AGR3: variants seen among roughly 807,000 people sequenced by gnomAD.
AGR3 encodes anterior gradient 3, protein disulphide isomerase family member.
In AGR3, 37 loss-of-function variants were observed where a neutral mutation model predicts 24.5. That is an observed-to-expected ratio of 1.51 (90% CI 1.16 to 1.99). AGR3 has a LOEUF of 1.99. Among genes scored for constraint, AGR3 ranks in the 30% most tolerant of loss-of-function variants. The probability of loss-of-function intolerance (pLI) is 0.00; values close to 1 mark genes in which losing one functional copy is unlikely to be tolerated. For synonymous variants in AGR3, 75 were observed against 61.6 expected (o/e 1.22, Z -1.02); for missense variants, 228 against 191.1 (o/e 1.19, Z -1.14).
At position 16,869,680 on chromosome 7, in the gene AGR3, T is replaced by G. The variant is rs201202406; in HGVS notation, c.173+4100A>C. On this transcript the variant is annotated intron_variant, in intron 3 of 7. Coordinates refer to ENST00000310398, the MANE Select transcript of AGR3 (RefSeq NM_176813.5). ...GTTGGGGCTTGTGAGTTTGTTTTTT[T>G]TTTTTTTTTTTTTTGCAGGGGGCAG... 3.2e-3 allele frequency among the ~76,000 whole-genome samples: 489 copies of G among 150,494 alleles called. 13 individuals carry two copies. The East Asian group carries it at 0.077, about 24-fold the overall frequency.
downstream of AGR3, among the ~76,000 whole-genome samples, chr7:16,856,814 TACACACACACACACCTATATGTATAC>T (rs1440795046): frequency 2.7e-5 from 4 of 148,182 alleles, no homozygotes; most frequent in Middle Eastern, 3.4e-3. Flanking sequence ...CACACACACA[TACACACACACACACCTATATGTATAC>T]ACACACACAC....
At chr7:16,861,926 C>T (rs951740771) in intron 5 of AGR3, 58 bp downstream of exon 5, 76 of 1,246,474 alleles carry the variant, frequency 6.1e-5, no homozygotes, top group South Asian at 2.0e-4. Flanking sequence ...AAGAAAAAAA[C>T]GGATTCAAAA....
intron 2 of AGR3, among the ~76,000 whole-genome samples, chr7:16,876,866 T>G (rs1781995051): frequency 6.6e-6 from 1 of 152,230 alleles, no homozygotes; most frequent in Non-Finnish European, 1.5e-5. Flanking sequence ...TGCCTTGACG[T>G]ATAGTTATCA....
intron 3 of AGR3, among the ~76,000 whole-genome samples, chr7:16,872,559 TG>T (rs1488099693): frequency 6.6e-6 from 1 of 152,000 alleles, no homozygotes; most frequent in African/African-American, 2.4e-5. Flanking sequence ...AAAAAATGTA[TG>T]GGTAAGATTT....
chr7:16,873,802 C>G lies in AGR3; in HGVS notation c.151G>C (p.Gly51Arg), dbSNP rs1175122890. The G allele has an allele frequency of 6.2e-7, 1 of 1,612,868 alleles. No homozygotes were observed. The highest frequency in any genetic ancestry group is 8.5e-7 in the Non-Finnish European group (1 of 1,179,292). ...DITWVQTYEEGLFYAQKSKKP... is the reference protein window; with the variant it reads ...DITWVQTYEERLFYAQKSKKP... ...TACCTTTTTTGAGCATAAAAGAGAC[C>G]TTCTTCATAAGTTTGTACCCAAGTG... is the stretch of plus-strand genomic sequence containing the variant. The change falls in exon 3 of 8, where the codon GGT becomes CGT. Residue 51 changes from glycine (G) to arginine (R), a missense_variant. Coordinates refer to ENST00000310398, the MANE Select transcript of AGR3 (RefSeq NM_176813.5).
chr7:16,873,733 A>T (rs1781928552), intron 3 of AGR3, 47 bp downstream of exon 3: 1 of 1,340,866 alleles, frequency 7.5e-7, no homozygotes, highest in Non-Finnish European at 1.1e-6. Context: ...AATTATTATG[A>T]GTCTACTACA....
At chr7:16,859,325 C>G (rs536489894), downstream of AGR3, 52 of 358,100 alleles carry the variant, frequency 1.5e-4, no homozygotes, top group Non-Finnish European at 2.2e-4. Flanking sequence ...ATAGGCACCT[C>G]TTATTTAGGT....
downstream of AGR3, among the ~76,000 whole-genome samples, chr7:16,857,462 C>A (rs1252425555): frequency 6.6e-6 from 1 of 152,062 alleles, no homozygotes; most frequent in Non-Finnish European, 1.5e-5. Context: ...CAGCTGATCT[C>A]TTTTATAGTC....
At chr7:16,873,004 G>A (rs920436595) in intron 3 of AGR3, among the ~76,000 whole-genome samples, 1 of 152,170 alleles carries the variant, frequency 6.6e-6, no homozygotes, top group Non-Finnish European at 1.5e-5. Context: ...CTGTTGGTAG[G>A]AATGTAAATT....
chr7:16,881,956 G>T lies in AGR3; in HGVS notation c.-40C>A, dbSNP rs1411796581. 1 of 471,078 alleles carries T rather than the reference G, an allele frequency of 2.1e-6. No individual in the cohort carries two copies. The highest frequency in any genetic ancestry group is 1.5e-5 in the South Asian group (1 of 64,566). The allele number at this position is 471,078 out of a possible 1,614,324, so 29.2% of individuals were successfully genotyped here. ...TTTGCTTGCTTACCTGACTTGGCCA[G>T]TGCTCTTGTTGGAAATGTATTCTGG... is the stretch of plus-strand genomic sequence containing the variant. On this transcript the variant is annotated 5_prime_UTR_variant, in exon 1 of 8. The change creates a new upstream start codon in the 5' untranslated region. Coordinates refer to ENST00000310398, the MANE Select transcript of AGR3 (RefSeq NM_176813.5).
downstream of AGR3, among the ~76,000 whole-genome samples, chr7:16,858,435 G>C (rs528255147): frequency 6.6e-6 from 1 of 152,176 alleles, no homozygotes; most frequent in South Asian, 2.1e-4. Flanking sequence ...GTAAAGAACT[G>C]AGTTGATGAT....
chr7:16,857,055 T>A (rs1022847356), downstream of AGR3, among the ~76,000 whole-genome samples: 1 of 151,574 alleles, frequency 6.6e-6, no homozygotes, highest in African/African-American at 2.4e-5. Flanking sequence ...ATAGACTTGA[T>A]CATAGCTCAT....
chr7:16,873,034 C>T (rs1562550188), intron 3 of AGR3, among the ~76,000 whole-genome samples: 2 of 152,054 alleles, frequency 1.3e-5, no homozygotes, highest in Non-Finnish European at 2.9e-5. Context: ...ATTATGCAAA[C>T]ATATAGAGGA....
downstream of AGR3, among the ~76,000 whole-genome samples, chr7:16,857,368 CAT>C (rs879339921): frequency 5.4e-4 from 82 of 152,098 alleles, no homozygotes; most frequent in Admixed American, 2.7e-3. Context: ...AACAATTTAT[CAT>C]TTAGTAACAT....
chr7:16,864,900 G>T (rs1781724819), intron 3 of AGR3: 5 of 892,496 alleles, frequency 5.6e-6, no homozygotes, highest in Non-Finnish European at 5.7e-6. Context: ...GAAATTCACT[G>T]GCTCTCACAA....
intron 3 of AGR3, chr7:16,865,958 T>TA (rs1781751209): frequency 5.8e-6 from 4 of 688,788 alleles, no homozygotes; most frequent in African/African-American, 1.8e-5. Flanking sequence ...TTGAGCTTTT[T>TA]ACCAGGTTTC....
chr7:16,878,687 T>G, intron 1 of AGR3, 42 bp from the exon 2 acceptor site: 2 of 1,355,240 alleles, frequency 1.5e-6, no homozygotes, highest in Non-Finnish European at 2.1e-6. Flanking sequence ...GTGAATTACT[T>G]CAAGCTATTA....
At chr7:16,870,790 T>TA (rs998243817) in intron 3 of AGR3, among the ~76,000 whole-genome samples, 8 of 152,136 alleles carry the variant, frequency 5.3e-5, no homozygotes, top group Admixed American at 5.2e-4. Flanking sequence ...TGGTGCTCCT[T>TA]ACTAATATGT....
chr7:16,865,684 CTTGTTATACT>C, intron 3 of AGR3: 1 of 802,154 alleles, frequency 1.2e-6, no homozygotes, highest in Non-Finnish European at 2.3e-6. Context: ...GCATTTGTAA[CTTGTTATACT>C]TTGTTGCTCT....
Sources: gnomAD v4.1 joint callset for allele counts (sites outside exome capture counted in the v4.1 genomes callset) on GRCh38, gnomAD v4.1.1 for gene constraint, MANE v1.5 for transcripts, NCBI Gene and HGNC (gene_info 2026-07-23, HGNC 2026-07-21) for gene names.